GSE1: variants seen among roughly 807,000 people sequenced by gnomAD.
GSE1 encodes genetic suppressor element 1.
Under a neutral mutation model 112.6 loss-of-function variants are expected in GSE1, and 32 were observed. That is an observed-to-expected ratio of 0.28 (90% CI 0.21 to 0.38). The LOEUF is 0.38. GSE1 is among the 10% of genes least tolerant of loss of function. The pLI is 1.00. For missense variants in GSE1, 2,348 were observed against 1,699.2 expected (o/e 1.38, Z -6.71); for synonymous variants, 1,115 against 735.6 (o/e 1.52, Z -8.35).
intron 2 of GSE1, among the ~76,000 whole-genome samples, chr16:85,524,088 C>T (rs1297145988): frequency 2.0e-5 from 3 of 152,180 alleles, no homozygotes; most frequent in Non-Finnish European, 4.4e-5. Flanking sequence ...CCTCATCCCT[C>T]TGACTTCCGG....
upstream of GSE1, among the ~76,000 whole-genome samples, chr16:85,553,303 G>A (rs1174091776): frequency 6.6e-6 from 1 of 150,426 alleles, no homozygotes; most frequent in Non-Finnish European, 1.5e-5. Context: ...GGCCGCCGCC[G>A]CCGCCGCTGC....
chr16:85,332,624 C>G (rs559001440), intron 1 of GSE1, among the ~76,000 whole-genome samples: 507 of 152,306 alleles, frequency 3.3e-3, no homozygotes, highest in Middle Eastern at 0.014. Context: ...TCTGCGGACC[C>G]TGCAGGACTC....
intron 2 of GSE1, among the ~76,000 whole-genome samples, chr16:85,403,929 C>T (rs992938262): frequency 6.6e-6 from 1 of 152,172 alleles, no homozygotes; most frequent in African/African-American, 2.4e-5. Context: ...CTGCCTCTCC[C>T]AGCCTCTGGG....
intron 2 of GSE1, among the ~76,000 whole-genome samples, chr16:85,479,103 A>G (rs1353358705): frequency 7.3e-6 from 1 of 136,656 alleles, no homozygotes; most frequent in Non-Finnish European, 1.6e-5. Flanking sequence ...CTCATTGCAA[A>G]CTCTGCCTCC....
intron 1 of GSE1, among the ~76,000 whole-genome samples, chr16:85,255,817 C>G (rs940188879): frequency 6.6e-6 from 1 of 152,134 alleles, no homozygotes; most frequent in African/African-American, 2.4e-5. Context: ...GCCTCCTGAA[C>G]AGCTGGGACT....
Position 85,304,384 on chromosome 16 carries a change from GC to G in GSE1, c.2284-53078del, listed in dbSNP as rs1467065795. Among the ~76,000 whole-genome samples the G allele has an allele frequency of 3.9e-5, 6 of 152,324 alleles. No individual in the cohort carries two copies. In the East Asian group the frequency reaches 7.7e-4, roughly 20 times the overall value. On this transcript the variant is annotated intron_variant, in intron 1 of 2. Coordinates refer to the GSE1 transcript ENST00000637419. The stretch of plus-strand genomic sequence containing the variant: ...GGGGCCGGGGCTCTCTAGCAGAGGG[GC>G]TGGGTGCCTGCATTCTGTGGGGGCT...
chr16:85,622,540 T>C (rs975053064), intron 1 of GSE1, among the ~76,000 whole-genome samples: 1 of 152,206 alleles, frequency 6.6e-6, no homozygotes, highest in South Asian at 2.1e-4. Flanking sequence ...GGTTTACAGA[T>C]AGGCTCTTCG....
intron 1 of GSE1, among the ~76,000 whole-genome samples, chr16:85,569,011 T>C (rs1335537689): frequency 6.6e-6 from 1 of 152,194 alleles, no homozygotes; most frequent in Admixed American, 6.5e-5. Context: ...AGTATGATCA[T>C]GGTTAGTGTC....
intron 1 of GSE1, among the ~76,000 whole-genome samples, chr16:85,633,149 T>C (rs1433002853): frequency 1.3e-5 from 2 of 152,168 alleles, no homozygotes; most frequent in Non-Finnish European, 2.9e-5. Flanking sequence ...GGTTTTCTGT[T>C]TTTAGCATCT....
At position 85,193,196 on chromosome 16, in the gene GSE1, A is replaced by G. The variant is rs115454949; in HGVS notation, c.2283+21389A>G. Reference sequence around the variant, plus strand: ...TGAACACCGAGTCCACATTCCCTCTATTTCTCCATTCATTCAATTCTTCGG... The same window carrying G: ...TGAACACCGAGTCCACATTCCCTCTGTTTCTCCATTCATTCAATTCTTCGG... On this transcript the variant is annotated intron_variant, in intron 1 of 2. Transcript: ENST00000637419. Among the ~76,000 whole-genome samples, 409 of 152,166 alleles carry G rather than the reference A, an allele frequency of 2.7e-3. 1 individual carries two copies. Among genetic ancestry groups the G allele is most frequent in the African/African-American group, 9.4e-3 (389 of 41,508 alleles).
At chr16:85,557,463 C>T (rs2045291788) in intron 1 of GSE1, among the ~76,000 whole-genome samples, 1 of 152,054 alleles carries the variant, frequency 6.6e-6, no homozygotes, top group Non-Finnish European at 1.5e-5. Context: ...CCTAGTTTTC[C>T]CATGTTGAGG....
intron 1 of GSE1, among the ~76,000 whole-genome samples, chr16:85,196,585 C>T (rs545569613): frequency 3.3e-5 from 5 of 152,082 alleles, no homozygotes; most frequent in East Asian, 3.9e-4. Context: ...GGATTCCATC[C>T]GAGGCCTTTG....
chr16:85,208,782 G>C (rs1326226928), intron 1 of GSE1, among the ~76,000 whole-genome samples: 4 of 151,678 alleles, frequency 2.6e-5, no homozygotes, highest in Non-Finnish European at 5.9e-5. Flanking sequence ...GGGGTTCGCC[G>C]CGTGTTGGGG....
At chr16:85,633,202 G>T (rs997586905) in intron 1 of GSE1, among the ~76,000 whole-genome samples, 2 of 152,186 alleles carry the variant, frequency 1.3e-5, no homozygotes, top group African/African-American at 2.4e-5. Flanking sequence ...AGTGGGGTCT[G>T]CAGTGCGGCC....
At chr16:85,370,149 G>A (rs774126382) in intron 2 of GSE1, among the ~76,000 whole-genome samples, 4 of 152,142 alleles carry the variant, frequency 2.6e-5, no homozygotes, top group Non-Finnish European at 5.9e-5. Context: ...AGGAGGTGGC[G>A]CAGTGAAGCC....
intron 1 of GSE1, among the ~76,000 whole-genome samples, chr16:85,235,014 G>A (rs1256451744): frequency 6.6e-6 from 1 of 151,808 alleles, no homozygotes; most frequent in African/African-American, 2.4e-5. Flanking sequence ...CTGGCTCCTC[G>A]CATCCCCAGG....
intron 2 of GSE1, among the ~76,000 whole-genome samples, chr16:85,477,634 C>A (rs929562180): frequency 4.6e-5 from 7 of 150,792 alleles, no homozygotes; most frequent in African/African-American, 1.5e-4. Context: ...GATCTCGGCT[C>A]ACCGCAACCT....
rs1303822179 is a variant in GSE1 at position 85,675,284 on chromosome 16, C to A, written c.*2745C>A. 9 of 152,290 alleles carry A rather than the reference C, an allele frequency of 5.9e-5. No homozygotes were observed. Among genetic ancestry groups the A allele is most frequent in the African/African-American group, 2.2e-4 (9 of 41,560 alleles). The allele number at this position is 152,290 out of a possible 1,614,324, so 9.4% of individuals were successfully genotyped here. A position where few individuals can be genotyped will look rare whatever the true frequency, so the allele number is the denominator to read the frequency against. On this transcript the variant is annotated 3_prime_UTR_variant, in exon 16 of 16. Coordinates refer to ENST00000253458, the MANE Select transcript of GSE1 (RefSeq NM_014615.5). ...TCCTTAGACCATCTTCCTACATTAC[C>A]TGGAAGGGAGCTGCCATCTGTCCCT...
At chr16:85,661,846 C>G in intron 9 of GSE1, 81 bp downstream of exon 9, 1 of 1,335,114 alleles carries the variant, frequency 7.5e-7, no homozygotes, top group Non-Finnish European at 9.9e-7. Context: ...GCCACCTGCC[C>G]CTCTCCGTCC....
Sources: allele counts gnomAD v4.1 joint callset (sites outside exome capture counted in the v4.1 genomes callset), GRCh38; gene constraint gnomAD v4.1.1; transcripts MANE v1.5; gene names NCBI Gene and HGNC (gene_info 2026-07-23, HGNC 2026-07-21).